KHDRBS2: variants seen among roughly 807,000 people sequenced by gnomAD.
The protein encoded by KHDRBS2 is KH domain-containing, RNA-binding, signal transduction-associated protein 2.
A neutral mutation model predicts 44.3 loss-of-function variants in KHDRBS2; 26 were observed. The ratio of observed to expected loss-of-function variants is 0.59; its 90% CI spans 0.43 to 0.81. The LOEUF (loss-of-function observed/expected upper bound fraction) is 0.81. Ranked by LOEUF, KHDRBS2 falls within the 40% of genes least tolerant of loss-of-function variation. The pLI is 0.00. For missense variants in KHDRBS2, 476 were observed against 433.1 expected (o/e 1.10, Z -0.88); for synonymous variants, 194 against 151.1 (o/e 1.28, Z -2.08).
chr6:62,105,635 A>G (rs190409719), intron 2 of KHDRBS2, among the ~76,000 whole-genome samples: 2 of 152,166 alleles, frequency 1.3e-5, no homozygotes, highest in African/African-American at 4.8e-5. Context: ...CCCCTTTATC[A>G]TTTTTTATTG....
intron 4 of KHDRBS2, among the ~76,000 whole-genome samples, chr6:61,965,222 T>C (rs557434729): frequency 1.3e-5 from 2 of 152,162 alleles, no homozygotes; most frequent in African/African-American, 4.8e-5. Context: ...TTCAGGGCAC[T>C]TGAAACATCT....
At chr6:62,210,651 C>G (rs1828891693) in intron 1 of KHDRBS2, among the ~76,000 whole-genome samples, 1 of 152,058 alleles carries the variant, frequency 6.6e-6, no homozygotes, top group Non-Finnish European at 1.5e-5. Context: ...CAGATTATTC[C>G]TTTTCTATAA....
chr6:61,655,214 A>C, the KHDRBS2 span, among the ~76,000 whole-genome samples: 1 of 117,488 alleles, frequency 8.5e-6, no homozygotes, highest in African/African-American at 2.9e-5. Flanking sequence ...ACGTTTAAAT[A>C]CATACATACA....
At chr6:61,813,783 T>C (rs1788484056) in intron 6 of KHDRBS2, among the ~76,000 whole-genome samples, 1 of 152,260 alleles carries the variant, frequency 6.6e-6, no homozygotes, top group Non-Finnish European at 1.5e-5. Flanking sequence ...TAACTCATTG[T>C]CTGGAATAAA....
chr6:61,585,392 A>G, the KHDRBS2 span, among the ~76,000 whole-genome samples: 1 of 152,076 alleles, frequency 6.6e-6, no homozygotes, highest in East Asian at 1.9e-4. Context: ...AGTGGTACTG[A>G]CTACTGTCTC....
chr6:62,123,407 T>C (rs1170125713), intron 2 of KHDRBS2, among the ~76,000 whole-genome samples: 2 of 152,228 alleles, frequency 1.3e-5, no homozygotes, highest in Non-Finnish European at 2.9e-5. Flanking sequence ...CTTTTGGGTA[T>C]ATACCCAGTA....
At chr6:61,558,879 A>T in the KHDRBS2 span, among the ~76,000 whole-genome samples, 1 of 152,260 alleles carries the variant, frequency 6.6e-6, no homozygotes, top group Admixed American at 6.5e-5. Context: ...TGAGGAAAGG[A>T]ATATGTGTTC....
At chr6:61,686,296 G>T (rs1366079087) in intron 8 of KHDRBS2, among the ~76,000 whole-genome samples, 1 of 151,688 alleles carries the variant, frequency 6.6e-6, no homozygotes, top group East Asian at 1.9e-4. Context: ...AACCGCTAGT[G>T]TTTTTGCTTT....
chr6:61,556,223 G>A, the KHDRBS2 span, among the ~76,000 whole-genome samples: 15 of 152,258 alleles, frequency 9.9e-5, no homozygotes, highest in Admixed American at 2.0e-4. Flanking sequence ...TAACACCAGC[G>A]ATGATAGCAG....
At chr6:61,770,743 C>T (rs1231930685) in intron 6 of KHDRBS2, among the ~76,000 whole-genome samples, 3 of 152,130 alleles carry the variant, frequency 2.0e-5, no homozygotes, top group African/African-American at 7.2e-5. Flanking sequence ...GAGAATGGAA[C>T]CAAGTTGGAA....
chr6:61,728,483 A>T (rs1209726105), intron 7 of KHDRBS2, among the ~76,000 whole-genome samples: 2 of 152,186 alleles, frequency 1.3e-5, no homozygotes, highest in Non-Finnish European at 2.9e-5. Flanking sequence ...AGCTACAAAG[A>T]TATTAATCAC....
At chr6:62,107,046 C>T (rs1803569996) in intron 2 of KHDRBS2, among the ~76,000 whole-genome samples, 1 of 151,928 alleles carries the variant, frequency 6.6e-6, no homozygotes, top group Non-Finnish European at 1.5e-5. Context: ...ACAGGGATGC[C>T]CTCTCTCACC....
At chr6:61,922,249 G>C (rs1808207231) in intron 4 of KHDRBS2, among the ~76,000 whole-genome samples, 1 of 151,988 alleles carries the variant, frequency 6.6e-6, no homozygotes, top group African/African-American at 2.4e-5. Flanking sequence ...ATGGACATCA[G>C]GCAACTAAGG....
At chr6:61,691,555 C>A (rs370735230) in intron 8 of KHDRBS2, among the ~76,000 whole-genome samples, 4 of 151,944 alleles carry the variant, frequency 2.6e-5, no homozygotes, top group East Asian at 3.9e-4. Context: ...TACAATAAAT[C>A]TCAGAAAAAA....
intron 6 of KHDRBS2, among the ~76,000 whole-genome samples, chr6:61,832,877 A>C (rs1304147825): frequency 2.6e-5 from 4 of 152,182 alleles, no homozygotes; most frequent in Non-Finnish European, 5.9e-5. Context: ...GTCTACAGCA[A>C]AAAAATATAA....
intron 3 of KHDRBS2, among the ~76,000 whole-genome samples, chr6:62,027,750 G>C (rs1482998453): frequency 2.0e-5 from 3 of 152,066 alleles, no homozygotes; most frequent in Non-Finnish European, 2.9e-5. Context: ...TCATGTTGTT[G>C]AACACATAGA....
At chr6:61,816,882 C>A (rs1789044016) in intron 6 of KHDRBS2, 3 of 450,662 alleles carry the variant, frequency 6.7e-6, no homozygotes, top group Admixed American at 2.4e-5. Context: ...TTAAACCATA[C>A]ACTTTTACAA....
chr6:61,921,375 C>T (rs1448116554), intron 4 of KHDRBS2, among the ~76,000 whole-genome samples: 2 of 151,904 alleles, frequency 1.3e-5, no homozygotes, highest in African/African-American at 4.8e-5. Flanking sequence ...TCCCAAGTTT[C>T]ATTATGCACA....
At chr6:61,601,853 A>ACACC in the KHDRBS2 span, among the ~76,000 whole-genome samples, 2 of 152,086 alleles carry the variant, frequency 1.3e-5, no homozygotes, top group African/African-American at 4.8e-5. Context: ...TTACAGTTTC[A>ACACC]TTCCGTGACT....
Sources: allele counts gnomAD v4.1 joint callset (sites outside exome capture counted in the v4.1 genomes callset), GRCh38; gene constraint gnomAD v4.1.1; transcripts MANE v1.5; gene names NCBI Gene and HGNC (gene_info 2026-07-23, HGNC 2026-07-21).